The following MTUS1 variants were observed in gnomAD, a reference collection of about 807,000 sequenced individuals.
The protein encoded by MTUS1 is microtubule-associated tumor suppressor 1.
A neutral mutation model predicts 120.8 loss-of-function variants in MTUS1; 109 were observed. The observed-to-expected ratio is 0.90, with a 90% CI of 0.77 to 1.06. The LOEUF (loss-of-function observed/expected upper bound fraction) is 1.06. Ranked by LOEUF, MTUS1 falls within the 50% of genes least tolerant of loss-of-function variation. The pLI, the probability that MTUS1 is intolerant of heterozygous loss-of-function variation, is 0.00. For missense variants in MTUS1, 2,210 were observed against 1,486.3 expected, an observed-to-expected ratio of 1.49 and a Z score of -8.01; for synonymous variants, 737 against 550.5, an observed-to-expected ratio of 1.34 and a Z score of -4.74.
At chr8:17,799,023 T>G (rs952108826) in intron 1 of MTUS1, among the ~76,000 whole-genome samples, 3 of 151,716 alleles carry the variant, frequency 2.0e-5, no homozygotes, top group African/African-American at 7.3e-5. Context: ...AAGAATTTTT[T>G]TTTTTTCCCT....
In MTUS1 at chr8:17,674,868, A is replaced by G. The variant is rs78477792; in HGVS notation, c.2905+318T>C. The G allele has an allele frequency of 3.4e-3, 3,881 of 1,148,856 alleles. 94 individuals carry two copies. The African/African-American group carries it at 0.052, about 15-fold the overall frequency. 71.2% of individuals were successfully genotyped at this position (1,148,856 alleles called of 1,614,324 possible). ...TCTCATATGAAAAGTGCTTCAGAAA[A>G]AAAAATGACAACATTATTTAACAGG... is the stretch of plus-strand genomic sequence containing the variant. On this transcript the variant is annotated intron_variant, in intron 8 of 14. Coordinates refer to ENST00000693296, the MANE Select transcript of MTUS1 (RefSeq NM_001363059.2).
chr8:17,672,329 C>G (rs1812200528), intron 8 of MTUS1, among the ~76,000 whole-genome samples: 1 of 152,140 alleles, frequency 6.6e-6, no homozygotes, highest in Non-Finnish European at 1.5e-5. Flanking sequence ...CTCACACCCA[C>G]CCTTGGGGCA....
chr8:17,756,285 TA>T (rs1433291206), intron 1 of MTUS1, among the ~76,000 whole-genome samples: 2 of 152,164 alleles, frequency 1.3e-5, no homozygotes, highest in Non-Finnish European at 2.9e-5. Context: ...CTGGCAATAG[TA>T]TTTTCTTCTT....
intron 1 of MTUS1, among the ~76,000 whole-genome samples, chr8:17,776,678 CAAAAAAAAAAAAAAAAAAAAA>C (rs71215272): frequency 1.8e-5 from 1 of 55,156 alleles, no homozygotes; most frequent in African/African-American, 6.9e-5. Flanking sequence ...GACTCTGTCT[CAAAAAAAAAAAAAAAAAAAAA>C]AAAAAAAATC....
chr8:17,654,637 G>C lies in MTUS1; in HGVS notation c.3138C>G (p.Thr1046=). ...QFDNLNAAHE[T]SKLEIEASHS... ...GGCTAGCTTCAATTTCCAACTTAGA[G>C]GTTTCATGCGCAGCATTTAAGTTGT... Residue 1046 remains threonine, a synonymous_variant, in exon 10 of 15, where the codon ACC becomes ACG. Coordinates refer to ENST00000693296, the MANE Select transcript of MTUS1 (RefSeq NM_001363059.2). 1 of 1,614,060 alleles carries C rather than the reference G, an allele frequency of 6.2e-7. No homozygotes were observed. Among genetic ancestry groups the C allele is most frequent in the Non-Finnish European group, 8.5e-7 (1 of 1,179,878 alleles).
intron 1 of MTUS1, among the ~76,000 whole-genome samples, chr8:17,762,012 G>C (rs1026128089): frequency 1.3e-5 from 2 of 152,164 alleles, no homozygotes; most frequent in Admixed American, 6.5e-5. Flanking sequence ...TGGTGCAGTG[G>C]CTCAGGCCTA....
Position 17,756,676 on chromosome 8 carries a change from C to CCCCCCCCA in MTUS1, c.-154-716_-154-715insTGGGGGGG, listed in dbSNP as rs56822917. Among the ~76,000 whole-genome samples the CCCCCCCCA allele has an allele frequency of 4.0e-3, 252 of 62,468 alleles. 11 individuals carry two copies. The highest frequency in any genetic ancestry group is 8.4e-3 in the Non-Finnish European group (199 of 23,610). 41.0% of individuals were successfully genotyped at this position (62,468 alleles called of 152,430 possible). On this transcript the variant is annotated intron_variant, in intron 1 of 14. Transcript: ENST00000693296. ...AATTCATATGTCAAGCCCAAACCCC[C>CCCCCCCCA]ACCCCTTATGTAACTATGTTGGAGA...
At chr8:17,661,435 C>T (rs913257688) in intron 8 of MTUS1, among the ~76,000 whole-genome samples, 1 of 152,158 alleles carries the variant, frequency 6.6e-6, no homozygotes, top group Non-Finnish European at 1.5e-5. Context: ...CAGCAATAAA[C>T]AAGAGACTGC....
chr8:17,736,654 A>G (rs2046955442), intron 3 of MTUS1, among the ~76,000 whole-genome samples: 1 of 151,896 alleles, frequency 6.6e-6, no homozygotes, highest in South Asian at 2.1e-4. Context: ...GTGCGACCTC[A>G]GCTAGCTGCA....
chr8:17,711,931 G>C (rs374131669), intron 6 of MTUS1, among the ~76,000 whole-genome samples: 2 of 152,192 alleles, frequency 1.3e-5, no homozygotes, highest in Admixed American at 1.3e-4. Context: ...AGTCAGTGGA[G>C]CACTTGAAAT....
chr8:17,710,303 A>T (rs1821037834), intron 6 of MTUS1, among the ~76,000 whole-genome samples: 1 of 152,164 alleles, frequency 6.6e-6, no homozygotes, highest in Admixed American at 6.5e-5. Context: ...TCAAAATTGG[A>T]GTCAATCCTC....
At chr8:17,656,232 A>G (rs1477846427) in intron 8 of MTUS1, among the ~76,000 whole-genome samples, 167 bp from the exon 9 acceptor site, 2 of 152,158 alleles carry the variant, frequency 1.3e-5, no homozygotes, top group Non-Finnish European at 1.5e-5. Context: ...GTGAACTGTA[A>G]AAAGGAACAC....
intron 1 of MTUS1, among the ~76,000 whole-genome samples, chr8:17,780,661 C>T (rs1008815598): frequency 3.3e-5 from 5 of 152,184 alleles, no homozygotes; most frequent in Non-Finnish European, 7.3e-5. Context: ...TATCCCAGGT[C>T]CAAGCCACCA....
At chr8:17,740,003 C>T (rs1001600716) in intron 3 of MTUS1, among the ~76,000 whole-genome samples, 7 of 152,044 alleles carry the variant, frequency 4.6e-5, no homozygotes, top group Admixed American at 1.3e-4. Flanking sequence ...GTCAGAAGTT[C>T]GAGACCGGCC....
chr8:17,657,917 ATATC>A (rs934994202), intron 8 of MTUS1, among the ~76,000 whole-genome samples: 75 of 151,584 alleles, frequency 4.9e-4, no homozygotes, highest in African/African-American at 1.1e-3. Flanking sequence ...ATATATGTAT[ATATC>A]TATGTGTACA....
chr8:17,729,632 G>C (rs894444116), intron 3 of MTUS1, among the ~76,000 whole-genome samples: 14 of 152,134 alleles, frequency 9.2e-5, no homozygotes, highest in African/African-American at 3.4e-4. Context: ...GTACACATGT[G>C]AATTCTTCCA....
intron 6 of MTUS1, among the ~76,000 whole-genome samples, chr8:17,687,320 C>G (rs547682724): frequency 6.6e-6 from 1 of 152,202 alleles, no homozygotes; most frequent in South Asian, 2.1e-4. Flanking sequence ...CCTGGCTCAG[C>G]TGAAGATCAG....
At chr8:17,688,539 C>A (rs979899381) in intron 6 of MTUS1, among the ~76,000 whole-genome samples, 1 of 152,224 alleles carries the variant, frequency 6.6e-6, no homozygotes, top group African/African-American at 2.4e-5. Flanking sequence ...TCTCTCTCTG[C>A]TAGCGGCATG....
chr8:17,671,540 G>C (rs1477051173), intron 8 of MTUS1, among the ~76,000 whole-genome samples: 1 of 152,194 alleles, frequency 6.6e-6, no homozygotes, highest in Non-Finnish European at 1.5e-5. Flanking sequence ...GTGTGGCTCA[G>C]ACAGTGGAAA....
Sources: gnomAD v4.1 joint callset for allele counts (sites outside exome capture counted in the v4.1 genomes callset) on GRCh38, gnomAD v4.1.1 for gene constraint, MANE v1.5 for transcripts, NCBI Gene and HGNC (gene_info 2026-07-23, HGNC 2026-07-21) for gene names.